ZEB1: variants seen among roughly 807,000 people sequenced by gnomAD.
ZEB1 encodes the protein zinc finger E-box-binding homeobox 1.
ZEB1 carries 21 observed loss-of-function variants against 84.9 expected under a neutral mutation model. The ratio of observed to expected loss-of-function variants is 0.25; its 90% CI spans 0.18 to 0.36. The LOEUF (loss-of-function observed/expected upper bound fraction) is 0.36, where lower values mean the gene tolerates loss of function less well. Among genes scored for constraint, ZEB1 ranks in the 10% least tolerant of loss-of-function variants. ZEB1 has a pLI of 1.00. For missense variants in ZEB1, 1,104 were observed against 1,330.2 expected (o/e 0.83, Z 2.65); for synonymous variants, 420 against 471.1 (o/e 0.89, Z 1.41).
chr10:31,476,818 GTCAA>G (rs775171227), intron 2 of ZEB1, among the ~76,000 whole-genome samples: 7 of 152,010 alleles, frequency 4.6e-5, no homozygotes, highest in Non-Finnish European at 7.4e-5. Flanking sequence ...ATATGATCAT[GTCAA>G]TCAATAGATG....
chr10:31,331,449 C>T (rs1160649258), intron 1 of ZEB1, among the ~76,000 whole-genome samples: 1 of 152,062 alleles, frequency 6.6e-6, no homozygotes, highest in Non-Finnish European at 1.5e-5. Flanking sequence ...GAAAATAATT[C>T]CATTTATCTG....
chr10:31,508,328 C>A (rs2069340934), intron 4 of ZEB1, among the ~76,000 whole-genome samples: 1 of 152,110 alleles, frequency 6.6e-6, no homozygotes, highest in Admixed American at 6.5e-5. Flanking sequence ...TGGGCAGGTT[C>A]TCAGGCTCCT....
At chr10:31,398,722 A>G (rs573951322) in intron 1 of ZEB1, among the ~76,000 whole-genome samples, 1 of 152,020 alleles carries the variant, frequency 6.6e-6, no homozygotes, top group African/African-American at 2.4e-5. Context: ...TCTTCCTCTT[A>G]TTTGACCTGG....
At chr10:31,425,565 A>C (rs969486472) in intron 1 of ZEB1, among the ~76,000 whole-genome samples, 7 of 152,182 alleles carry the variant, frequency 4.6e-5, no homozygotes, top group Non-Finnish European at 7.4e-5. Flanking sequence ...TTATAAAAAA[A>C]TCCAAAATTA....
intron 1 of ZEB1, among the ~76,000 whole-genome samples, chr10:31,369,625 G>A (rs991946968): frequency 5.3e-5 from 8 of 152,058 alleles, no homozygotes; most frequent in African/African-American, 1.4e-4. Flanking sequence ...AGGTGTTTCC[G>A]TATCCTGGCT....
rs898457830 is a variant in ZEB1 at position 31,485,434 on chromosome 10, G to A, written c.260-10342G>A. 5.9e-5 allele frequency among the ~76,000 whole-genome samples: 9 copies of A among 151,816 alleles called. No individual in the cohort carries two copies. The South Asian group carries it at 8.3e-4, about 14-fold the overall frequency. ...ACCTAGGAATAATTGACTCTAAAGC[G>A]TTTGCCCTTATCCACTGCCTCATTT... is the stretch of plus-strand genomic sequence containing the variant. On this transcript the variant is annotated intron_variant, in intron 2 of 8. Transcript: ENST00000424869.
chr10:31,446,790 AT>A (rs1170544412), intron 1 of ZEB1, among the ~76,000 whole-genome samples: 1 of 150,596 alleles, frequency 6.6e-6, no homozygotes, highest in East Asian at 1.9e-4. Flanking sequence ...GTTTGTTACA[AT>A]TTCTGTTCTT....
chr10:31,519,878 T>C (rs1475356939), intron 6 of ZEB1, among the ~76,000 whole-genome samples: 1 of 152,172 alleles, frequency 6.6e-6, no homozygotes, highest in Non-Finnish European at 1.5e-5. Flanking sequence ...GGTGGAAATA[T>C]TATACACATA....
chr10:31,441,005 C>A (rs1261901807), intron 1 of ZEB1, among the ~76,000 whole-genome samples: 1 of 152,052 alleles, frequency 6.6e-6, no homozygotes, highest in Non-Finnish European at 1.5e-5. Flanking sequence ...AGATTCAATG[C>A]CATCCCCATC....
chr10:31,501,622 C>G (rs1268765877), intron 3 of ZEB1, among the ~76,000 whole-genome samples: 2 of 135,768 alleles, frequency 1.5e-5, no homozygotes, highest in African/African-American at 6.6e-5. Context: ...AAGTAGAGCT[C>G]CCCCCCCCAT....
chr10:31,422,888 C>G (rs2056398993), intron 1 of ZEB1, among the ~76,000 whole-genome samples: 1 of 151,958 alleles, frequency 6.6e-6, no homozygotes, highest in South Asian at 2.1e-4. Context: ...GTGCCCAATG[C>G]TTAGCTCCCA....
intron 1 of ZEB1, among the ~76,000 whole-genome samples, chr10:31,397,092 T>C: frequency 6.7e-6 from 1 of 148,494 alleles, no homozygotes; most frequent in Non-Finnish European, 1.5e-5. Context: ...CTCGGCTCAC[T>C]GCAACCTCCA....
chr10:31,475,077 G>T (rs186920809), intron 2 of ZEB1, among the ~76,000 whole-genome samples: 1 of 141,112 alleles, frequency 7.1e-6, no homozygotes, highest in Admixed American at 7.0e-5. Flanking sequence ...GGGGCGGGGG[G>T]GAGGGATAGC....
At chr10:31,341,921 A>G (rs2039446096) in intron 1 of ZEB1, among the ~76,000 whole-genome samples, 1 of 152,222 alleles carries the variant, frequency 6.6e-6, no homozygotes, top group Non-Finnish European at 1.5e-5. Context: ...ACATTAGTCT[A>G]GGATTGAGGT....
rs973506699 is a variant in ZEB1, at chr10:31,528,413, A to G, written c.*1149A>G. ...TTATCCATGTACTTGCATTTCAGACATGGACATGCTATTGTTATTTGGCTC... is the reference window on the plus strand; with the variant it reads ...TTATCCATGTACTTGCATTTCAGACGTGGACATGCTATTGTTATTTGGCTC... On this transcript the variant is annotated 3_prime_UTR_variant, in exon 9 of 9. Transcript: ENST00000424869. The G allele has an allele frequency of 6.6e-6, 1 of 152,198 alleles. No individual in the cohort carries two copies. Among genetic ancestry groups the G allele is most frequent in the Non-Finnish European group, 1.5e-5 (1 of 68,026 alleles). 9.4% of individuals were successfully genotyped at this position (152,198 alleles called of 1,614,324 possible).
intron 2 of ZEB1, among the ~76,000 whole-genome samples, chr10:31,480,449 G>C (rs970773399): frequency 1.3e-5 from 2 of 152,004 alleles, no homozygotes; most frequent in Admixed American, 6.6e-5. Flanking sequence ...ACCAGAGGTG[G>C]TGTATGATTT....
intron 1 of ZEB1, among the ~76,000 whole-genome samples, chr10:31,369,952 A>G (rs1437930370): frequency 6.6e-6 from 1 of 152,144 alleles, no homozygotes; most frequent in Non-Finnish European, 1.5e-5. Context: ...ATTCTCTAGT[A>G]ATTAGTGATG....
Position 31,449,228 on chromosome 10 carries a change from C to G in ZEB1, c.59-11809C>G, listed in dbSNP as rs532290518. 7.9e-5 allele frequency among the ~76,000 whole-genome samples: 12 copies of G among 152,374 alleles called. No individual in the cohort carries two copies. The East Asian group carries it at 9.7e-4, about 12-fold the overall frequency. On this transcript the variant is annotated intron_variant, in intron 1 of 8. Transcript: ENST00000424869. ...GACTCGGAAAGGGAACTCCCTGACC[C>G]CTTGCGCTTCCCAGGTGAGGCAATG... is the stretch of plus-strand genomic sequence containing the variant.
intron 1 of ZEB1, among the ~76,000 whole-genome samples, chr10:31,405,291 T>C (rs1315411659): frequency 2.6e-5 from 4 of 152,168 alleles, no homozygotes; most frequent in African/African-American, 7.2e-5. Context: ...AATTTTCTTA[T>C]GGAAGTGTCA....
Sources: allele counts gnomAD v4.1 joint callset (sites outside exome capture counted in the v4.1 genomes callset), GRCh38; gene constraint gnomAD v4.1.1; transcripts MANE v1.5; gene names NCBI Gene and HGNC (gene_info 2026-07-23, HGNC 2026-07-21).